Variants in SOD2 observed in about 807,000 individuals in gnomAD.
The protein encoded by SOD2 is superoxide dismutase [Mn], mitochondrial.
In SOD2, 11 loss-of-function variants were observed where a neutral mutation model predicts 27.0. That is an observed-to-expected ratio of 0.41 (90% CI 0.26 to 0.67). The LOEUF is 0.67. SOD2 is among the 30% of genes least tolerant of loss of function. The pLI, the probability that SOD2 is intolerant of heterozygous loss-of-function variation, is 0.34. For synonymous variants in SOD2, 105 were observed against 103.0 expected (o/e 1.02, Z -0.12); for missense variants, 250 against 274.5 (o/e 0.91, Z 0.63).
At chr6:159,702,832 A>AAGAGTGAAGGGCTTCT in intron 1 of SOD2, among the ~76,000 whole-genome samples, 1 of 133,436 alleles carries the variant, frequency 7.5e-6, no homozygotes, top group Middle Eastern at 3.6e-3. Context: ...CCTGGGCGAC[A>AAGAGTGAAGGGCTTCT]GAGCAAGACC....
upstream of SOD2, chr6:159,730,969 G>GA (rs1431887467): frequency 2.4e-4 from 35 of 147,726 alleles, no homozygotes; most frequent in East Asian, 2.8e-3. Flanking sequence ...GTCTCTACTA[G>GA]AAAAAAAAAA....
chr6:159,742,739 T>C (rs1460877998), intron 1 of SOD2, among the ~76,000 whole-genome samples: 1 of 152,180 alleles, frequency 6.6e-6, no homozygotes, highest in Non-Finnish European at 1.5e-5. Flanking sequence ...GTGACTGTGT[T>C]ACCCATAGAA....
exon 1 of SOD2, chr6:159,761,735 TC>T: frequency 2.8e-6 from 1 of 361,690 alleles, no homozygotes; most frequent in South Asian, 2.1e-5. Flanking sequence ...GTCGGGGAAC[TC>T]CAACATTGGG....
At chr6:159,744,331 A>T (rs142108718) in intron 1 of SOD2, among the ~76,000 whole-genome samples, 88 of 152,350 alleles carry the variant, frequency 5.8e-4, no homozygotes, top group African/African-American at 2.0e-3. Flanking sequence ...GTTTAGGCTC[A>T]ATCTTACGGT....
At chr6:159,731,900 A>G (rs1583064826), upstream of SOD2, among the ~76,000 whole-genome samples, 5 of 152,298 alleles carry the variant, frequency 3.3e-5, no homozygotes, top group South Asian at 1.0e-3. Flanking sequence ...AAAACAGATT[A>G]TCATCTCATT....
At chr6:159,742,165 T>C (rs772796681) in intron 1 of SOD2, 3 of 1,584,120 alleles carry the variant, frequency 1.9e-6, no homozygotes, top group Non-Finnish European at 1.7e-6. Context: ...GAGTTTTAGC[T>C]TCCTAAAGAC....
chr6:159,738,935 A>G (rs1462903156), intron 1 of SOD2: 4 of 1,356,728 alleles, frequency 2.9e-6, no homozygotes, highest in African/African-American at 2.9e-5. Flanking sequence ...GTCTCATTAT[A>G]GAACTTTGTG....
At chr6:159,746,589 A>T (rs1031398997), upstream of SOD2, among the ~76,000 whole-genome samples, 1 of 152,158 alleles carries the variant, frequency 6.6e-6, no homozygotes, top group Non-Finnish European at 1.5e-5. Context: ...TCAGTAGTCA[A>T]TTTAGTTAGT....
At chr6:159,690,982 T>C (rs1470359366) in intron 2 of SOD2, 1 of 152,170 alleles carries the variant, frequency 6.6e-6, no homozygotes, top group African/African-American at 2.4e-5. Context: ...TTGTTTTATC[T>C]TTTTTCCCCA....
chr6:159,710,994 A>G (rs1282632759), intron 1 of SOD2, among the ~76,000 whole-genome samples: 14 of 76,736 alleles, frequency 1.8e-4, no homozygotes, highest in East Asian at 6.0e-4. Flanking sequence ...CACCACTCAC[A>G]CTGCTCTGAC....
intron 1 of SOD2, among the ~76,000 whole-genome samples, chr6:159,751,966 G>A (rs1779836167): frequency 6.6e-6 from 1 of 151,794 alleles, no homozygotes; most frequent in African/African-American, 2.4e-5. Context: ...GGAGGCTGAG[G>A]TGGGAGGATC....
exon 1 of SOD2, chr6:159,762,147 G>C (rs753235624): frequency 2.5e-6 from 4 of 1,610,084 alleles, no homozygotes; most frequent in Non-Finnish European, 3.4e-6. Context: ...TCATAGGTGA[G>C]TGGCCGGCGG....
At chr6:159,715,245 TG>T (rs1227953108) in intron 1 of SOD2, among the ~76,000 whole-genome samples, 4 of 151,922 alleles carry the variant, frequency 2.6e-5, no homozygotes, top group African/African-American at 9.7e-5. Context: ...GATTGGCCAG[TG>T]GCACTGGGAC....
upstream of SOD2, chr6:159,727,835 C>T (rs1202063745): frequency 4.9e-6 from 3 of 609,480 alleles, no homozygotes; most frequent in Admixed American, 6.3e-5. Flanking sequence ...CGGCACCGGT[C>T]TCTCGTGAGC....
chr6:159,730,284 A>G (rs574219323), upstream of SOD2, among the ~76,000 whole-genome samples: 4 of 152,264 alleles, frequency 2.6e-5, no homozygotes, highest in African/African-American at 7.2e-5. Context: ...TTTCTTTATT[A>G]TTTTCCTTCA....
At chr6:159,699,665 G>C (rs1177665085) in intron 1 of SOD2, among the ~76,000 whole-genome samples, 1 of 152,152 alleles carries the variant, frequency 6.6e-6, no homozygotes, top group Non-Finnish European at 1.5e-5. Context: ...CATGGAGTAA[G>C]ATTGATTTCA....
At chr6:159,753,680 C>A in intron 1 of SOD2, 1 of 1,523,618 alleles carries the variant, frequency 6.6e-7, no homozygotes, top group South Asian at 1.3e-5. Flanking sequence ...AACTGCCAGT[C>A]ATGAATATTA....
intron 1 of SOD2, chr6:159,755,537 A>C: frequency 2.5e-6 from 4 of 1,614,188 alleles, no homozygotes; most frequent in Non-Finnish European, 3.4e-6. Flanking sequence ...TGGGAAAGGT[A>C]ATCGAACTGT....
At chr6:159,713,058 A>G (rs1777859752) in intron 1 of SOD2, 1 of 659,726 alleles carries the variant, frequency 1.5e-6, no homozygotes, top group Non-Finnish European at 2.7e-6. Flanking sequence ...ATGTACTCTC[A>G]TGAGGTTAAG....
Sources: allele counts gnomAD v4.1 joint callset (sites outside exome capture counted in the v4.1 genomes callset), GRCh38; gene constraint gnomAD v4.1.1; transcripts MANE v1.5; gene names NCBI Gene and HGNC (gene_info 2026-07-23, HGNC 2026-07-21).